The following SPATA13 variants were observed in gnomAD, a reference collection of about 807,000 sequenced individuals.
SPATA13 encodes spermatogenesis-associated protein 13.
SPATA13 carries 50 observed loss-of-function variants against 104.0 expected under a neutral mutation model. That is an observed-to-expected ratio of 0.48 (90% CI 0.38 to 0.61). The LOEUF (loss-of-function observed/expected upper bound fraction) is 0.61, where lower values mean the gene tolerates loss of function less well. Ranked by LOEUF, SPATA13 falls within the 20% of genes least tolerant of loss-of-function variation. SPATA13 has a pLI of 0.00. For synonymous variants in SPATA13, 606 were observed against 667.5 expected, an observed-to-expected ratio of 0.91 and a Z score of 1.42; for missense variants, 1,524 against 1,690.6, an observed-to-expected ratio of 0.90 and a Z score of 1.73.
chr13:24,078,249 A>C (rs1879396903), intron 3 of SPATA13, among the ~76,000 whole-genome samples: 1 of 152,246 alleles, frequency 6.6e-6, no homozygotes, highest in East Asian at 1.9e-4. Flanking sequence ...AGAGAGGCAA[A>C]ACTTTGGAGC....
At chr13:23,980,130 C>T (rs1874808654) in intron 1 of SPATA13, among the ~76,000 whole-genome samples, 1 of 152,048 alleles carries the variant, frequency 6.6e-6, no homozygotes, top group South Asian at 2.1e-4. Flanking sequence ...GCCGAGCTTG[C>T]AGTGAGCCGA....
At chr13:24,079,597 G>A (rs34082142) in intron 3 of SPATA13, among the ~76,000 whole-genome samples, 7,596 of 152,266 alleles carry the variant, frequency 0.05, 238 homozygotes, top group Admixed American at 0.085. Flanking sequence ...ATACAGGGGG[G>A]TCCTGACGGC....
At chr13:23,987,339 C>T (rs1165798461) in intron 2 of SPATA13, among the ~76,000 whole-genome samples, 2 of 152,094 alleles carry the variant, frequency 1.3e-5, no homozygotes, top group East Asian at 1.9e-4. Flanking sequence ...AAAATACTTA[C>T]ATTTTCAGTG....
At chr13:24,241,332 A>G (rs1216003493) in intron 2 of SPATA13, among the ~76,000 whole-genome samples, 5 of 152,232 alleles carry the variant, frequency 3.3e-5, no homozygotes, top group African/African-American at 1.2e-4. Flanking sequence ...GGACAACTTA[A>G]TGACCCTGTC....
chr13:24,204,207 A>G (rs1246261357), intron 1 of SPATA13, among the ~76,000 whole-genome samples: 2 of 152,146 alleles, frequency 1.3e-5, no homozygotes, highest in Non-Finnish European at 2.9e-5. Flanking sequence ...CAGGAATAAT[A>G]CCATTTAATT....
intron 1 of SPATA13, among the ~76,000 whole-genome samples, chr13:24,185,145 CATA>C (rs755031350): frequency 6.6e-6 from 1 of 152,202 alleles, no homozygotes; most frequent in Non-Finnish European, 1.5e-5. Flanking sequence ...CTTTCCTAAT[CATA>C]AGCCCTGAAG....
intron 4 of SPATA13, among the ~76,000 whole-genome samples, chr13:24,276,036 G>T (rs965690003): frequency 6.6e-6 from 1 of 152,210 alleles, no homozygotes; most frequent in African/African-American, 2.4e-5. Flanking sequence ...CGCACTGTTG[G>T]TGGGAATGTG....
At chr13:24,160,660 G>C, upstream of SPATA13, 6 of 955,632 alleles carry the variant, frequency 6.3e-6, no homozygotes, top group Non-Finnish European at 7.5e-6. Context: ...ATGGGGCGGG[G>C]GGAAGAGCCG....
At chr13:24,213,387 C>T (rs1593424723) in intron 1 of SPATA13, among the ~76,000 whole-genome samples, 1 of 152,200 alleles carries the variant, frequency 6.6e-6, no homozygotes, top group African/African-American at 2.4e-5. Flanking sequence ...TTGCCTCAGC[C>T]TCACGAGTAG....
At chr13:24,237,455 T>C (rs1872624708) in intron 2 of SPATA13, among the ~76,000 whole-genome samples, 1 of 152,124 alleles carries the variant, frequency 6.6e-6, no homozygotes, top group Non-Finnish European at 1.5e-5. Context: ...AAAGAATAAA[T>C]ACTGTATGAT....
At position 24,011,348 on chromosome 13, in the gene SPATA13, TC is replaced by T. The variant is rs879501052; in HGVS notation, c.-146-6317del. ...TTGGCCATCTCATGCTGTCTCACGT[TC>T]CGCAGCTGGTCTGGGCCCAAGTGCT... is the stretch of plus-strand genomic sequence containing the variant. On this transcript the variant is annotated intron_variant, in intron 2 of 14. Coordinates refer to the SPATA13 transcript ENST00000424834. The surrounding 1 kb of genome is among the most constrained non-coding windows in gnomAD (Gnocchi z 4.3). Among the ~76,000 whole-genome samples the T allele has an allele frequency of 2.2e-4, 33 of 152,264 alleles. No individual in the cohort carries two copies. Among genetic ancestry groups the T allele is most frequent in the Admixed American group, 1.3e-3 (20 of 15,300 alleles).
intron 4 of SPATA13, among the ~76,000 whole-genome samples, chr13:24,253,582 C>T (rs568878445): frequency 2.9e-4 from 44 of 152,332 alleles, no homozygotes; most frequent in African/African-American, 1.0e-3. Context: ...GTTTACATTT[C>T]AGCATTTGAA....
At chr13:24,047,402 T>C (rs960853481) in intron 3 of SPATA13, among the ~76,000 whole-genome samples, 1 of 152,228 alleles carries the variant, frequency 6.6e-6, no homozygotes, top group African/African-American at 2.4e-5. Flanking sequence ...CCTAATCTTG[T>C]GGCCCTGCAT....
At chr13:24,138,674 C>T (rs1048120381) in intron 3 of SPATA13, among the ~76,000 whole-genome samples, 2 of 151,960 alleles carry the variant, frequency 1.3e-5, no homozygotes, top group Admixed American at 6.6e-5. Context: ...GCCTTGAACT[C>T]CTGGGCTCAA....
At chr13:24,191,242 T>G (rs971402742) in intron 1 of SPATA13, among the ~76,000 whole-genome samples, 2 of 151,904 alleles carry the variant, frequency 1.3e-5, no homozygotes, top group Non-Finnish European at 2.9e-5. Flanking sequence ...TCCCAAAATG[T>G]TGGGATTATA....
At chr13:24,249,437 C>A in intron 2 of SPATA13, 40 bp from the exon 3 acceptor site, 1 of 1,473,290 alleles carries the variant, frequency 6.8e-7, no homozygotes, top group Non-Finnish European at 9.0e-7. Context: ...TTAATACCTT[C>A]CTGGATATTG....
At chr13:24,175,573 T>A (rs1868391091) in intron 1 of SPATA13, among the ~76,000 whole-genome samples, 1 of 152,248 alleles carries the variant, frequency 6.6e-6, no homozygotes, top group South Asian at 2.1e-4. Context: ...CAGAGTTGTC[T>A]ATCTAGATTT....
chr13:24,011,759 CA>C lies in SPATA13; in HGVS notation c.-146-5907del, dbSNP rs201521111. Among the ~76,000 whole-genome samples the C allele has an allele frequency of 6.5e-3, 996 of 152,342 alleles. 9 individuals are homozygous for C. Among genetic ancestry groups the C allele is most frequent in the African/African-American group, 0.022 (929 of 41,578 alleles). On this transcript the variant is annotated intron_variant, in intron 2 of 14. Transcript: ENST00000424834. The surrounding 1 kb of genome is among the most constrained non-coding windows in gnomAD (Gnocchi z 4.3). The stretch of plus-strand genomic sequence containing the variant: ...GGGGGCATGCAGAGAACATAGTCTT[CA>C]GCTCTGGCCAAGCAGCCATCTGTCC...
chr13:24,243,492 G>A (rs1872957793), intron 2 of SPATA13, among the ~76,000 whole-genome samples: 3 of 152,184 alleles, frequency 2.0e-5, no homozygotes, highest in Admixed American at 6.5e-5. Context: ...CAGAGGAGAG[G>A]CAGAGGTTTT....
Sources: allele counts gnomAD v4.1 joint callset (sites outside exome capture counted in the v4.1 genomes callset), GRCh38; gene constraint gnomAD v4.1.1; non-coding constraint Gnocchi (gnomAD v3.1); transcripts MANE v1.5; gene names NCBI Gene and HGNC (gene_info 2026-07-23, HGNC 2026-07-21).